CACNA2D3: variants seen among roughly 807,000 people sequenced by gnomAD.
CACNA2D3 encodes the protein calcium voltage-gated channel auxiliary subunit alpha2delta 3, also known as voltage-dependent calcium channel subunit alpha-2/delta-3.
CACNA2D3 carries 60 observed loss-of-function variants against 160.6 expected under a neutral mutation model. The ratio of observed to expected loss-of-function variants is 0.37; its 90% confidence interval spans 0.30 to 0.46. The LOEUF (loss-of-function observed/expected upper bound fraction) is 0.46. CACNA2D3 is among the 20% of genes least tolerant of loss of function. The probability of loss-of-function intolerance (pLI) is 1.00; values close to 1 mark genes in which losing one functional copy is unlikely to be tolerated. For missense variants in CACNA2D3, 1,205 were observed against 1,365.0 expected (o/e 0.88, Z 1.85); for synonymous variants, 558 against 492.9 (o/e 1.13, Z -1.75).
At chr3:54,386,860 C>A in intron 4 of CACNA2D3, 86 bp downstream of exon 4, 3 of 1,259,198 alleles carry the variant, frequency 2.4e-6, no homozygotes, top group South Asian at 1.4e-5. Context: ...ACTGATTTTT[C>A]AGTGATTGGG....
At chr3:54,576,402 CA>C (rs1702583047) in intron 8 of CACNA2D3, among the ~76,000 whole-genome samples, 1 of 152,162 alleles carries the variant, frequency 6.6e-6, no homozygotes, top group Non-Finnish European at 1.5e-5. Flanking sequence ...GATCCTTCCC[CA>C]AAACGTTCTG....
chr3:54,208,506 T>A (rs1267243536), intron 2 of CACNA2D3, among the ~76,000 whole-genome samples: 1 of 152,182 alleles, frequency 6.6e-6, no homozygotes, highest in African/African-American at 2.4e-5. Flanking sequence ...TATGGAATTG[T>A]CAATCTCTGA....
chr3:54,583,252 G>T (rs1702707832), intron 9 of CACNA2D3, among the ~76,000 whole-genome samples: 1 of 152,120 alleles, frequency 6.6e-6, no homozygotes, highest in South Asian at 2.1e-4. Flanking sequence ...CCTTCAGATT[G>T]CTTCCCAGAG....
At chr3:54,554,113 G>C (rs1021691023) in intron 5 of CACNA2D3, among the ~76,000 whole-genome samples, 2 of 152,118 alleles carry the variant, frequency 1.3e-5, no homozygotes, top group Non-Finnish European at 2.9e-5. Context: ...GCTCTTGCTA[G>C]CGTAGGCATT....
chr3:54,316,099 G>A (rs571748228), intron 2 of CACNA2D3, among the ~76,000 whole-genome samples: 33 of 151,276 alleles, frequency 2.2e-4, no homozygotes, highest in South Asian at 1.3e-3. Context: ...GTGTGTGCAC[G>A]TGTGTGTGAG....
At chr3:55,063,111 A>G (rs1036813836) in intron 35 of CACNA2D3, among the ~76,000 whole-genome samples, 4 of 152,332 alleles carry the variant, frequency 2.6e-5, no homozygotes, top group Non-Finnish European at 4.4e-5. Context: ...GTGACATTTA[A>G]TAAGTCTTTT....
At chr3:55,017,235 A>G (rs938706469) in intron 34 of CACNA2D3, among the ~76,000 whole-genome samples, 1 of 152,214 alleles carries the variant, frequency 6.6e-6, no homozygotes, top group Non-Finnish European at 1.5e-5. Context: ...AAGAGTACCT[A>G]TGCTACTAGC....
rs534791955 is a variant in CACNA2D3 at position 54,464,434 on chromosome 3, G to A, written c.382-39058G>A. On this transcript the variant is annotated intron_variant, in intron 4 of 37. Coordinates refer to ENST00000474759, the MANE Select transcript of CACNA2D3 (RefSeq NM_018398.3). ...AGCTGTGGTGGGCTCCACCCAGTTC[G>A]AGCTTCCCGGCTGCTTTGTTTCCCT... is the stretch of plus-strand genomic sequence containing the variant. 5.3e-5 allele frequency among the ~76,000 whole-genome samples: 8 copies of A among 152,352 alleles called. No individual in the cohort carries two copies. The East Asian group carries it at 1.4e-3, about 26-fold the overall frequency.
chr3:54,300,719 A>G (rs150008617), intron 2 of CACNA2D3, among the ~76,000 whole-genome samples: 4 of 152,292 alleles, frequency 2.6e-5, no homozygotes, highest in Non-Finnish European at 5.9e-5. Context: ...GGTCTTTTTA[A>G]AGTAACTTAA....
chr3:54,883,829 T>TCTCTCTCCCC (rs753661413), intron 21 of CACNA2D3, among the ~76,000 whole-genome samples: 1 of 145,704 alleles, frequency 6.9e-6, no homozygotes, highest in Non-Finnish European at 1.5e-5. Context: ...CTCTCCTCTC[T>TCTCTCTCCCC]CTCCCTTCAA....
At chr3:54,807,963 C>G (rs1441923796) in intron 13 of CACNA2D3, among the ~76,000 whole-genome samples, 1 of 145,038 alleles carries the variant, frequency 6.9e-6, no homozygotes, top group African/African-American at 2.5e-5. Flanking sequence ...GAACAAAAAA[C>G]CAAACACCGC....
At chr3:54,563,430 G>A (rs544869638) in intron 6 of CACNA2D3, among the ~76,000 whole-genome samples, 2 of 152,234 alleles carry the variant, frequency 1.3e-5, no homozygotes, top group Admixed American at 6.5e-5. Context: ...CGTCGCTGAC[G>A]GCAAGAACCC....
chr3:54,768,435 C>T (rs1229266066), intron 13 of CACNA2D3, among the ~76,000 whole-genome samples: 1 of 152,082 alleles, frequency 6.6e-6, no homozygotes, highest in Non-Finnish European at 1.5e-5. Flanking sequence ...AGGTAATGTT[C>T]AGCACTTAAA....
intron 3 of CACNA2D3, among the ~76,000 whole-genome samples, chr3:54,343,542 C>G (rs537097698): frequency 2.6e-5 from 4 of 152,296 alleles, no homozygotes; most frequent in Admixed American, 2.6e-4. Flanking sequence ...CCTCAGCCTC[C>G]CACAGTGCTG....
At chr3:54,215,732 C>T (rs548549727) in intron 2 of CACNA2D3, among the ~76,000 whole-genome samples, 1 of 152,306 alleles carries the variant, frequency 6.6e-6, no homozygotes, top group African/African-American at 2.4e-5. Flanking sequence ...CTCACAAAAT[C>T]ACCCTAGTGC....
intron 9 of CACNA2D3, among the ~76,000 whole-genome samples, chr3:54,616,435 G>A (rs1029800311): frequency 2.6e-5 from 4 of 152,178 alleles, no homozygotes; most frequent in East Asian, 1.9e-4. Context: ...GAGATCAGAC[G>A]AGCAACTGTG....
chr3:54,830,238 C>T (rs1314550915), intron 14 of CACNA2D3, among the ~76,000 whole-genome samples: 3 of 151,640 alleles, frequency 2.0e-5, no homozygotes, highest in African/African-American at 7.3e-5. Flanking sequence ...CCACCACGCC[C>T]AGCCCAGATT....
intron 14 of CACNA2D3, among the ~76,000 whole-genome samples, chr3:54,832,035 A>ACACACG: frequency 6.7e-6 from 1 of 149,280 alleles, no homozygotes; most frequent in South Asian, 2.2e-4. Context: ...ACACACACAC[A>ACACACG]CACACACACA....
intron 13 of CACNA2D3, chr3:54,789,865 G>A (rs1447987594): frequency 1.9e-6 from 1 of 517,682 alleles, no homozygotes; most frequent in Non-Finnish European, 3.9e-6. Flanking sequence ...TCCAGGTCAG[G>A]CCGAGCAAGT....
Sources: gnomAD v4.1 joint callset for allele counts (sites outside exome capture counted in the v4.1 genomes callset) on GRCh38, gnomAD v4.1.1 for gene constraint, MANE v1.5 for transcripts, NCBI Gene and HGNC (gene_info 2026-07-23, HGNC 2026-07-21) for gene names.